The following P3H2 variants were observed in gnomAD, a reference collection of about 807,000 sequenced individuals.
P3H2 encodes prolyl 3-hydroxylase 2.
Under a neutral mutation model 87.0 loss-of-function variants are expected in P3H2, and 80 were observed. The observed-to-expected ratio is 0.92, with a 90% CI of 0.77 to 1.11. P3H2 has a LOEUF of 1.11. Among genes scored for constraint, P3H2 ranks in the 50% least tolerant of loss-of-function variants. P3H2 has a pLI of 0.00. For synonymous variants in P3H2, 367 were observed against 359.3 expected, an observed-to-expected ratio of 1.02 and a Z score of -0.24; for missense variants, 1,001 against 923.9, an observed-to-expected ratio of 1.08 and a Z score of -1.08.
chr3:190,011,285 AAAAT>A (rs1485672849), intron 1 of P3H2, among the ~76,000 whole-genome samples: 1 of 152,002 alleles, frequency 6.6e-6, no homozygotes, highest in African/African-American at 2.4e-5. Context: ...AAAAAAAAAA[AAAAT>A]AGAGTTTCAT....
In P3H2 at chr3:189,993,258, G is replaced by T. The variant is rs539450772; in HGVS notation, c.823+836C>A. Among the ~76,000 whole-genome samples the T allele has an allele frequency of 2.3e-4, 34 of 150,534 alleles. No homozygotes were observed. The East Asian group carries it at 6.0e-3, about 27-fold the overall frequency. On this transcript the variant is annotated intron_variant, in intron 3 of 14. Coordinates refer to ENST00000319332, the MANE Select transcript of P3H2 (RefSeq NM_018192.4). ...AATTGCTTGAATCCGGGAGGCAGAG[G>T]TTGCAGTGAGCCAAGATCACGCCAT...
At chr3:190,080,906 T>C (rs1313362409) in intron 1 of P3H2, among the ~76,000 whole-genome samples, 1 of 152,178 alleles carries the variant, frequency 6.6e-6, no homozygotes, top group African/African-American at 2.4e-5. Flanking sequence ...TAAAAAGAAA[T>C]ATGCTGCTCT....
At chr3:189,996,207 CTA>C (rs71635313) in intron 1 of P3H2, among the ~76,000 whole-genome samples, 43,076 of 151,896 alleles carry the variant, frequency 0.28, 6,541 homozygotes, top group East Asian at 0.48. Context: ...TGAAATCAAC[CTA>C]AGTGCCCATC....
At chr3:190,015,787 G>A (rs1724734405) in intron 1 of P3H2, among the ~76,000 whole-genome samples, 1 of 152,186 alleles carries the variant, frequency 6.6e-6, no homozygotes, top group South Asian at 2.1e-4. Flanking sequence ...TGCCCTTGGA[G>A]GGCTGCTTGA....
chr3:189,982,361 G>T (rs1210453842), intron 8 of P3H2, among the ~76,000 whole-genome samples: 3 of 152,172 alleles, frequency 2.0e-5, no homozygotes, highest in Non-Finnish European at 4.4e-5. Context: ...ATTAACCACT[G>T]CTGTTAGTAT....
intron 1 of P3H2, among the ~76,000 whole-genome samples, chr3:190,089,761 CATA>C (rs1727349239): frequency 6.6e-6 from 1 of 152,146 alleles, no homozygotes; most frequent in Non-Finnish European, 1.5e-5. Flanking sequence ...CCCATGGAGT[CATA>C]ATAATATGGG....
chr3:190,065,793 T>G (rs1467666393), intron 1 of P3H2, among the ~76,000 whole-genome samples: 1 of 152,126 alleles, frequency 6.6e-6, no homozygotes, highest in African/African-American at 2.4e-5. Flanking sequence ...CCTCCAATAA[T>G]CTATAATTTA....
intron 1 of P3H2, among the ~76,000 whole-genome samples, chr3:190,069,830 T>C (rs570061734): frequency 6.6e-6 from 1 of 152,162 alleles, no homozygotes; most frequent in Non-Finnish European, 1.5e-5. Flanking sequence ...GGTAGACAAC[T>C]GGAAACATTT....
chr3:190,118,385 T>A (rs1712378208), intron 1 of P3H2, among the ~76,000 whole-genome samples: 1 of 152,046 alleles, frequency 6.6e-6, no homozygotes, highest in East Asian at 1.9e-4. Context: ...CCACCCATGT[T>A]CTGCTCTGGG....
At chr3:190,098,825 G>A (rs959977071) in intron 1 of P3H2, among the ~76,000 whole-genome samples, 1 of 152,042 alleles carries the variant, frequency 6.6e-6, no homozygotes, top group African/African-American at 2.4e-5. Context: ...GATTTTCTTA[G>A]CAATTCCATT....
intron 3 of P3H2, among the ~76,000 whole-genome samples, chr3:189,990,137 C>T (rs1040771588): frequency 6.6e-6 from 1 of 152,024 alleles, no homozygotes; most frequent in African/African-American, 2.4e-5. Flanking sequence ...GACCCCAAAA[C>T]ACAACAGGAA....
At chr3:190,050,330 G>A (rs953701971) in intron 1 of P3H2, among the ~76,000 whole-genome samples, 14 of 152,120 alleles carry the variant, frequency 9.2e-5, no homozygotes, top group Non-Finnish European at 4.4e-5. Flanking sequence ...ATTTGAAAGC[G>A]ACAATCATAT....
chr3:189,966,289 T>C (rs1723004832), intron 13 of P3H2, among the ~76,000 whole-genome samples: 1 of 152,194 alleles, frequency 6.6e-6, no homozygotes, highest in South Asian at 2.1e-4. Context: ...AAACACGCAT[T>C]TGCCAATGTT....
At chr3:190,017,759 A>G (rs573193534) in intron 1 of P3H2, among the ~76,000 whole-genome samples, 1 of 152,352 alleles carries the variant, frequency 6.6e-6, no homozygotes, top group East Asian at 1.9e-4. Context: ...AACCTCTACA[A>G]TCTATTTCCT....
chr3:190,104,962 T>C (rs1471101967), intron 1 of P3H2, among the ~76,000 whole-genome samples: 1 of 152,220 alleles, frequency 6.6e-6, no homozygotes, highest in Non-Finnish European at 1.5e-5. Flanking sequence ...CTGGCAACCA[T>C]GGCCTAAAAT....
chr3:190,101,691 A>C (rs555307343), intron 1 of P3H2, among the ~76,000 whole-genome samples: 1 of 152,198 alleles, frequency 6.6e-6, no homozygotes, highest in African/African-American at 2.4e-5. Context: ...TGACGCAGCA[A>C]GCGTTAATGT....
chr3:189,973,868 G>T lies in P3H2; in HGVS notation c.1548+41C>A, dbSNP rs1291511153. Reference sequence around the variant, plus strand: ...CTGCCATTTACAGAAGCCTTAGGCTGACACTAAGGAACTCAAACCCAAAAG... The same window carrying T: ...CTGCCATTTACAGAAGCCTTAGGCTTACACTAAGGAACTCAAACCCAAAAG... On this transcript the variant is annotated intron_variant, in intron 10 of 14. Transcript: ENST00000319332. 4.9e-6 allele frequency: 7 copies of T among 1,427,030 alleles called. No individual in the cohort carries two copies. In the South Asian group the frequency reaches 6.9e-5, roughly 14 times the overall value. The allele number at this position is 1,427,030 out of a possible 1,614,324, so 88.4% of individuals were successfully genotyped here.
intron 1 of P3H2, among the ~76,000 whole-genome samples, chr3:189,997,885 G>T (rs79278797): frequency 0.018 from 2,800 of 152,204 alleles, 85 homozygotes; most frequent in African/African-American, 0.064. Flanking sequence ...ATAAAGAATG[G>T]GTTCAAAATT....
chr3:189,973,488 C>G (rs1384907280), intron 10 of P3H2, among the ~76,000 whole-genome samples: 1 of 122,340 alleles, frequency 8.2e-6, no homozygotes, highest in Admixed American at 7.8e-5. Flanking sequence ...ATATTCAAAA[C>G]TTTTTTCTTT....
Sources: allele counts gnomAD v4.1 joint callset (sites outside exome capture counted in the v4.1 genomes callset), GRCh38; gene constraint gnomAD v4.1.1; transcripts MANE v1.5; gene names NCBI Gene and HGNC (gene_info 2026-07-23, HGNC 2026-07-21).